PTPRD: variants seen among roughly 807,000 people sequenced by gnomAD.
PTPRD encodes protein tyrosine phosphatase receptor type D.
In PTPRD, 34 loss-of-function variants were observed where a neutral mutation model predicts 214.5. The observed-to-expected ratio is 0.16, with a 90% CI of 0.12 to 0.21. The LOEUF (loss-of-function observed/expected upper bound fraction) is 0.21. PTPRD is among the 10% of genes least tolerant of loss of function. The pLI is 1.00. For missense variants in PTPRD, 2,545 were observed against 2,398.7 expected, an observed-to-expected ratio of 1.06 and a Z score of -1.27; for synonymous variants, 1,128 against 845.7, an observed-to-expected ratio of 1.33 and a Z score of -5.79.
chr9:8,711,448 GAAATT>G (rs1444584747), intron 12 of PTPRD, among the ~76,000 whole-genome samples: 4 of 152,084 alleles, frequency 2.6e-5, no homozygotes, highest in Non-Finnish European at 4.4e-5. Context: ...TCCTTGAAAT[GAAATT>G]AAGTCCTTAA....
At chr9:9,758,901 C>T (rs1323328491) in intron 6 of PTPRD, among the ~76,000 whole-genome samples, 2 of 152,068 alleles carry the variant, frequency 1.3e-5, no homozygotes, top group African/African-American at 4.8e-5. Context: ...AAATAAGACA[C>T]TTTAATAACA....
rs1838040211 is a variant in PTPRD at position 8,329,878 on chromosome 9, TGG to T, written c.5534+1702_5534+1703del. Among the ~76,000 whole-genome samples, 3 of 150,836 alleles carry T rather than the reference TGG, an allele frequency of 2.0e-5. No individual in the cohort carries two copies. The South Asian group carries it at 6.4e-4, about 32-fold the overall frequency. ...TGCCTCTCCCCTCACGAAGCTCGAA[TGG>T]CCCAGGTGGACCTCAGACAGCTGTA... On this transcript the variant is annotated intron_variant, in intron 44 of 45. Transcript: ENST00000381196.
At chr9:10,163,758 G>A (rs908632098) in intron 3 of PTPRD, among the ~76,000 whole-genome samples, 7 of 151,238 alleles carry the variant, frequency 4.6e-5, no homozygotes, top group African/African-American at 1.7e-4. Context: ...AAAATATATT[G>A]AAAATCAAGT....
At chr9:10,480,948 G>A (rs962923723) in intron 2 of PTPRD, among the ~76,000 whole-genome samples, 2 of 151,894 alleles carry the variant, frequency 1.3e-5, no homozygotes, top group African/African-American at 4.8e-5. Flanking sequence ...ATTGGAACTT[G>A]TTCTGGGAAG....
chr9:8,490,823 C>T (rs906041769), intron 27 of PTPRD, among the ~76,000 whole-genome samples: 3 of 151,996 alleles, frequency 2.0e-5, no homozygotes, highest in African/African-American at 7.3e-5. Context: ...GTATAATAAA[C>T]AAATATCCCA....
chr9:9,907,797 G>T (rs2078025704), intron 5 of PTPRD, among the ~76,000 whole-genome samples: 1 of 151,836 alleles, frequency 6.6e-6, no homozygotes, highest in African/African-American at 2.4e-5. Flanking sequence ...TTTAAAATCA[G>T]AACCCTACTG....
In PTPRD at chr9:9,763,900, C is replaced by G. The variant is rs139399343; in HGVS notation, c.-326+2910G>C. Among the ~76,000 whole-genome samples, 593 of 151,912 alleles carry G rather than the reference C, an allele frequency of 3.9e-3. 3 individuals are homozygous for G. Among genetic ancestry groups the G allele is most frequent in the African/African-American group, 0.013 (546 of 41,408 alleles). On this transcript the variant is annotated intron_variant, in intron 6 of 45. Transcript: ENST00000381196. ...AAATATTATGCATTCTTGACGACCT[C>G]TCACCCTCATGCCTCTATATATGAC...
chr9:9,974,348 C>T (rs1049974243), intron 4 of PTPRD, among the ~76,000 whole-genome samples: 2 of 152,088 alleles, frequency 1.3e-5, no homozygotes, highest in South Asian at 2.1e-4. Flanking sequence ...ATGTCTGCAC[C>T]AAGCCTTTCT....
chr9:10,026,533 CA>C (rs2096926300), intron 4 of PTPRD, among the ~76,000 whole-genome samples: 1 of 152,074 alleles, frequency 6.6e-6, no homozygotes, highest in African/African-American at 2.4e-5. Flanking sequence ...CAACGATGGA[CA>C]AAAAATAATT....
chr9:8,833,639 A>C (rs910053987), intron 11 of PTPRD, among the ~76,000 whole-genome samples: 24 of 150,856 alleles, frequency 1.6e-4, no homozygotes, highest in African/African-American at 5.1e-4. Context: ...ATGCAATCTT[A>C]ATAACAGGCA....
intron 3 of PTPRD, among the ~76,000 whole-genome samples, chr9:10,054,567 C>A (rs913930115): frequency 2.0e-5 from 3 of 152,064 alleles, no homozygotes; most frequent in Non-Finnish European, 4.4e-5. Context: ...TCTCCCACAA[C>A]CCAGAAAGGT....
intron 5 of PTPRD, among the ~76,000 whole-genome samples, chr9:9,827,110 C>T (rs2053162754): frequency 6.6e-6 from 1 of 152,010 alleles, no homozygotes; most frequent in Admixed American, 6.6e-5. Flanking sequence ...TGCCATCCTC[C>T]CCATCAAGCT....
At chr9:9,056,806 T>C (rs144684221) in intron 10 of PTPRD, among the ~76,000 whole-genome samples, 304 of 152,358 alleles carry the variant, frequency 2.0e-3, no homozygotes, top group African/African-American at 7.0e-3. Flanking sequence ...AATATATTTA[T>C]TAAATCATAT....
chr9:9,968,547 T>C (rs530945259), intron 4 of PTPRD, among the ~76,000 whole-genome samples: 1 of 152,274 alleles, frequency 6.6e-6, no homozygotes, highest in South Asian at 2.1e-4. Context: ...GAGAATGCTG[T>C]ACTTTGGGAG....
chr9:9,353,546 T>C (rs960492919), intron 9 of PTPRD, among the ~76,000 whole-genome samples: 5 of 151,780 alleles, frequency 3.3e-5, no homozygotes, highest in African/African-American at 1.2e-4. Flanking sequence ...GGTCATTTAA[T>C]TTTGCCTTAA....
intron 30 of PTPRD, among the ~76,000 whole-genome samples, chr9:8,481,967 G>C (rs2096896401): frequency 2.0e-5 from 3 of 151,944 alleles, no homozygotes; most frequent in Non-Finnish European, 4.4e-5. Context: ...ATTTTCAGTA[G>C]AGACGGGGTT....
At chr9:10,288,542 A>G (rs1178118140) in intron 3 of PTPRD, among the ~76,000 whole-genome samples, 1 of 152,196 alleles carries the variant, frequency 6.6e-6, no homozygotes, top group African/African-American at 2.4e-5. Context: ...GCAATATCTA[A>G]AAGTCCACTA....
intron 11 of PTPRD, among the ~76,000 whole-genome samples, chr9:8,848,569 T>G (rs530380057): frequency 1.3e-5 from 2 of 150,044 alleles, no homozygotes; most frequent in South Asian, 4.3e-4. Context: ...GGTCTTAAAC[T>G]CCTGGGCTCA....
chr9:8,675,520 T>TAC lies in PTPRD; in HGVS notation c.65-38678_65-38677dup, dbSNP rs1188291707. Among the ~76,000 whole-genome samples the TAC allele has an allele frequency of 5.0e-3, 413 of 82,922 alleles. 13 individuals are homozygous for TAC. The highest frequency in any genetic ancestry group is 0.027 in the Middle Eastern group (3 of 112). 54.4% of individuals were successfully genotyped at this position (82,922 alleles called of 152,430 possible). ...TACACACTACACACATATGCACACA[T>TAC]ACACACACACACACACACAAAAAAA... On this transcript the variant is annotated intron_variant, in intron 12 of 45. Coordinates refer to ENST00000381196, the MANE Select transcript of PTPRD (RefSeq NM_002839.4).
Sources: allele counts gnomAD v4.1 joint callset (sites outside exome capture counted in the v4.1 genomes callset), GRCh38; gene constraint gnomAD v4.1.1; transcripts MANE v1.5; gene names NCBI Gene and HGNC (gene_info 2026-07-23, HGNC 2026-07-21).